PPP2R1B: variants seen among roughly 807,000 people sequenced by gnomAD.
PPP2R1B encodes the protein protein phosphatase 2 scaffold subunit Abeta, also known as serine/threonine-protein phosphatase 2A 65 kDa regulatory subunit A beta isoform.
PPP2R1B carries 58 observed loss-of-function variants against 72.7 expected under a neutral mutation model. That is an observed-to-expected ratio of 0.80 (90% CI 0.65 to 0.99). The LOEUF (loss-of-function observed/expected upper bound fraction) is 0.99. PPP2R1B is among the 50% of genes least tolerant of loss of function. PPP2R1B has a pLI of 0.00. For synonymous variants in PPP2R1B, 256 were observed against 264.6 expected (o/e 0.97, Z 0.32); for missense variants, 695 against 733.6 (o/e 0.95, Z 0.61).
Position 111,764,909 on chromosome 11 carries a change from G to A in PPP2R1B, c.206-4C>T. The A allele has an allele frequency of 3.1e-6, 5 of 1,613,416 alleles. No individual in the cohort carries two copies. Among genetic ancestry groups the A allele is most frequent in the African/African-American group, 1.3e-5 (1 of 75,034 alleles). ...TCATCTTCATCATAAATTGTATCTG[G>A]AAGTGACAACAACAGGACTCATCAA... On this transcript the variant is annotated splice_polypyrimidine_tract_variant and splice_region_variant and intron_variant, in intron 2 of 14. Coordinates refer to ENST00000527614, the MANE Select transcript of PPP2R1B (RefSeq NM_002716.5).
At position 111,741,039 on chromosome 11, in the gene PPP2R1B, T is replaced by C. The variant is rs1470869898; in HGVS notation, c.*557A>G. 6 of 986,186 alleles carry C rather than the reference T, an allele frequency of 6.1e-6. No homozygotes were observed. The highest frequency in any genetic ancestry group is 7.2e-6 in the Non-Finnish European group (6 of 830,406). The allele number at this position is 986,186 out of a possible 1,614,324, so 61.1% of individuals were successfully genotyped here. A position where few individuals can be genotyped will look rare whatever the true frequency, so the allele number is the denominator to read the frequency against. Reference sequence around the variant, plus strand: ...ACCAAAACAACCACTACATTAACCCTGAGCTTCCACATTCCCCTTTCACAT... The same window carrying C: ...ACCAAAACAACCACTACATTAACCCCGAGCTTCCACATTCCCCTTTCACAT... On this transcript the variant is annotated 3_prime_UTR_variant, in exon 15 of 15. Transcript: ENST00000527614.
intron 11 of PPP2R1B, among the ~76,000 whole-genome samples, chr11:111,747,239 G>A (rs1944734108): frequency 2.0e-5 from 3 of 152,306 alleles, no homozygotes; most frequent in Admixed American, 2.0e-4. Flanking sequence ...GTCTGGACCT[G>A]GGATCTGGCA....
At position 111,754,979 on chromosome 11, in the gene PPP2R1B, C is replaced by T. The variant is rs781854408; in HGVS notation, c.958+1G>A. The T allele has an allele frequency of 6.2e-7, 1 of 1,601,816 alleles. No homozygotes were observed. The highest frequency in any genetic ancestry group is 1.7e-5 in the Admixed American group (1 of 59,328). ...TTCCAACATAAATTGAACTCCTTAA[C>T]CTTTTACTTTGTGGGCAGCAGCTGC... On this transcript the variant is annotated splice_donor_variant, in intron 7 of 14. Transcript: ENST00000527614. LOFTEE classifies it high-confidence loss of function.
chr11:111,751,715 C>T (rs1332599565), intron 10 of PPP2R1B, among the ~76,000 whole-genome samples: 12 of 152,222 alleles, frequency 7.9e-5, no homozygotes, highest in African/African-American at 2.7e-4. Flanking sequence ...CAGTGGCTCA[C>T]GCCTGGAATC....
chr11:111,712,791 G>C, the PPP2R1B span, among the ~76,000 whole-genome samples: 4 of 152,136 alleles, frequency 2.6e-5, no homozygotes, highest in Non-Finnish European at 5.9e-5. Context: ...TTCTGCATAG[G>C]TACCTCAGGT....
chr11:111,736,120 C>G (rs978460260), downstream of PPP2R1B, among the ~76,000 whole-genome samples: 11 of 151,966 alleles, frequency 7.2e-5, no homozygotes, highest in Non-Finnish European at 1.5e-4. Context: ...CATGAGGGAC[C>G]AAAAAACAAT....
rs782609276 is a variant in PPP2R1B at position 111,765,905 on chromosome 11, G to T, written c.114+343C>A. The T allele has an allele frequency of 1.5e-4, 74 of 505,760 alleles. 1 individual carries two copies. The highest frequency in any genetic ancestry group is 9.5e-4 in the South Asian group (62 of 65,000). 31.3% of individuals were successfully genotyped at this position (505,760 alleles called of 1,614,324 possible). ...GCCGCTCCAGCCCCGTCTCGGCCTG[G>T]CACCGCGCTTCTCCTGCTCCCTCGC... On this transcript the variant is annotated intron_variant, in intron 1 of 14. Transcript: ENST00000527614.
chr11:111,757,224 T>C (rs1380685417), intron 5 of PPP2R1B, among the ~76,000 whole-genome samples: 1 of 152,102 alleles, frequency 6.6e-6, no homozygotes, highest in Admixed American at 6.5e-5. Context: ...CATGTAAACA[T>C]TAGCACCCAG....
chr11:111,706,442 A>G, the PPP2R1B span, among the ~76,000 whole-genome samples: 5 of 152,258 alleles, frequency 3.3e-5, no homozygotes, highest in African/African-American at 1.2e-4. Flanking sequence ...GTTGGTTAGT[A>G]TGCTCCATTG....
At chr11:111,690,272 CT>C in the PPP2R1B span, among the ~76,000 whole-genome samples, 38,620 of 130,310 alleles carry the variant, frequency 0.3, 5,418 homozygotes, top group African/African-American at 0.34. Flanking sequence ...GAAGGTCTTT[CT>C]TTTTTTTTTT....
Position 111,740,425 on chromosome 11 carries a change from G to A in PPP2R1B, c.*1171C>T, listed in dbSNP as rs1226978347. The A allele has an allele frequency of 1.0e-6, 1 of 960,264 alleles. No homozygotes were observed. The highest frequency in any genetic ancestry group is 1.2e-6 in the Non-Finnish European group (1 of 807,244). 59.5% of individuals were successfully genotyped at this position (960,264 alleles called of 1,614,324 possible). On this transcript the variant is annotated 3_prime_UTR_variant, in exon 15 of 15. Transcript: ENST00000527614. Reference sequence around the variant, plus strand: ...AGTAGAGATGGGGTTTCACCATGTTGGTCAGGCTGATCTCGAATTCTTGAC... The same window carrying A: ...AGTAGAGATGGGGTTTCACCATGTTAGTCAGGCTGATCTCGAATTCTTGAC...
At chr11:111,721,969 C>T (rs776515443), downstream of PPP2R1B, 4 of 1,485,828 alleles carry the variant, frequency 2.7e-6, no homozygotes, top group South Asian at 5.0e-5. Flanking sequence ...GAGTCCACCT[C>T]ACTCTGCTCA....
chr11:111,723,471 C>A (rs1293068842), downstream of PPP2R1B: 3 of 1,556,890 alleles, frequency 1.9e-6, no homozygotes, highest in African/African-American at 2.8e-5. Flanking sequence ...ATTTAAAATT[C>A]TTTCCTTTGA....
At chr11:111,709,708 C>G in the PPP2R1B span, among the ~76,000 whole-genome samples, 6 of 152,204 alleles carry the variant, frequency 3.9e-5, no homozygotes, top group Non-Finnish European at 8.8e-5. Context: ...TCCAAAAAGA[C>G]TCCTTTGGTC....
chr11:111,757,352 G>A (rs1945161978), intron 5 of PPP2R1B, among the ~76,000 whole-genome samples: 1 of 152,142 alleles, frequency 6.6e-6, no homozygotes, highest in Non-Finnish European at 1.5e-5. Context: ...CTTAGAAACT[G>A]TGTATCAACA....
chr11:111,741,065 G>A lies in PPP2R1B; in HGVS notation c.*531C>T, dbSNP rs1944500462. On this transcript the variant is annotated 3_prime_UTR_variant, in exon 15 of 15. Transcript: ENST00000527614. ...GAGCTTCCACATTCCCCTTTCACAT[G>A]AGACTAATGCAGACCATCATAATTC... 5 of 986,182 alleles carry A rather than the reference G, an allele frequency of 5.1e-6. No individual in the cohort carries two copies. Among genetic ancestry groups the A allele is most frequent in the Non-Finnish European group, 6.0e-6 (5 of 830,362 alleles). 61.1% of individuals were successfully genotyped at this position (986,182 alleles called of 1,614,324 possible).
chr11:111,703,197 C>T, the PPP2R1B span: 1 of 1,613,562 alleles, frequency 6.2e-7, no homozygotes, highest in Non-Finnish European at 8.5e-7. Flanking sequence ...ATTGTGTTTT[C>T]TATAGATTGC....
intron 9 of PPP2R1B, 97 bp from the exon 10 acceptor site, chr11:111,752,429 A>G: frequency 8.2e-7 from 1 of 1,223,024 alleles, no homozygotes; most frequent in Non-Finnish European, 1.1e-6. Context: ...GGTAAGACTC[A>G]GGTGAAAAAA....
chr11:111,731,534 T>C (rs1308148988), intron 15 of PPP2R1B, among the ~76,000 whole-genome samples: 1 of 152,264 alleles, frequency 6.6e-6, no homozygotes, highest in Non-Finnish European at 1.5e-5. Flanking sequence ...GCCACTGTTA[T>C]ATCCAGCTTG....
Sources: gnomAD v4.1 joint callset for allele counts (sites outside exome capture counted in the v4.1 genomes callset) on GRCh38, gnomAD v4.1.1 for gene constraint, MANE v1.5 for transcripts, NCBI Gene and HGNC (gene_info 2026-07-23, HGNC 2026-07-21) for gene names.